The following ITIH5 variants were observed in gnomAD, a reference collection of about 807,000 sequenced individuals.
ITIH5 encodes the protein inter-alpha-trypsin inhibitor heavy chain H5.
In ITIH5, 65 loss-of-function variants were observed where a neutral mutation model predicts 77.5. The observed-to-expected ratio is 0.84, with a 90% CI of 0.69 to 1.03. The LOEUF is 1.03. Ranked by LOEUF, ITIH5 falls within the 50% of genes least tolerant of loss-of-function variation. The probability of loss-of-function intolerance (pLI) is 0.00; values close to 1 mark genes in which losing one functional copy is unlikely to be tolerated. For synonymous variants in ITIH5, 525 were observed against 494.3 expected (o/e 1.06, Z -0.82); for missense variants, 1,208 against 1,213.1 (o/e 1.00, Z 0.06).
chr10:7,604,270 G>A (rs1833077922), intron 7 of ITIH5, among the ~76,000 whole-genome samples: 1 of 152,162 alleles, frequency 6.6e-6, no homozygotes, highest in Admixed American at 6.5e-5. Context: ...AGTGGGTGGA[G>A]GTTTCCTCTG....
intron 12 of ITIH5, 90 bp downstream of exon 12, chr10:7,569,578 T>G: frequency 2.5e-6 from 2 of 786,716 alleles, no homozygotes; most frequent in Admixed American, 5.3e-5. Context: ...AGGTGGCCCT[T>G]GGATCACTGG....
intron 5 of ITIH5, among the ~76,000 whole-genome samples, chr10:7,636,499 T>C (rs1833799995): frequency 6.6e-6 from 1 of 152,234 alleles, no homozygotes; most frequent in African/African-American, 2.4e-5. Context: ...TTATAGTACA[T>C]ATACAATTTG....
chr10:7,600,122 CAT>C (rs1832985566), intron 7 of ITIH5, among the ~76,000 whole-genome samples: 1 of 152,208 alleles, frequency 6.6e-6, no homozygotes, highest in Non-Finnish European at 1.5e-5. Context: ...AGAAACCTCA[CAT>C]CTCTTCCTAC....
intron 5 of ITIH5, among the ~76,000 whole-genome samples, chr10:7,624,032 C>T (rs968112851): frequency 6.6e-6 from 1 of 152,008 alleles, no homozygotes; most frequent in Non-Finnish European, 1.5e-5. Context: ...AGATGTTTGC[C>T]CAGGTTTCTT....
At chr10:7,585,769 C>T (rs1051479429) in intron 8 of ITIH5, 132 bp downstream of exon 8, 17 of 728,166 alleles carry the variant, frequency 2.3e-5, no homozygotes, top group Non-Finnish European at 3.3e-5. Context: ...AGAAAGCTCT[C>T]GCCTGCAGTC....
chr10:7,588,758 G>A (rs2130982796), intron 7 of ITIH5, among the ~76,000 whole-genome samples: 1 of 152,352 alleles, frequency 6.6e-6, no homozygotes, highest in East Asian at 1.9e-4. Context: ...TTTCCCGGGA[G>A]CTTCCTACTC....
intron 7 of ITIH5, among the ~76,000 whole-genome samples, chr10:7,601,676 G>A (rs1203315898): frequency 6.6e-6 from 1 of 152,052 alleles, no homozygotes; most frequent in Non-Finnish European, 1.5e-5. Context: ...CTGTGATGGG[G>A]AACGCCACCA....
chr10:7,565,070 G>A (rs1177150277), intron 13 of ITIH5, among the ~76,000 whole-genome samples: 3 of 135,908 alleles, frequency 2.2e-5, no homozygotes, highest in Non-Finnish European at 3.1e-5. Flanking sequence ...CACATAGACT[G>A]TATATATATA....
intron 2 of ITIH5, 64 bp downstream of exon 2, chr10:7,655,567 C>A: frequency 7.5e-7 from 1 of 1,340,154 alleles, no homozygotes; most frequent in Non-Finnish European, 1.1e-6. Context: ...AAGTGGATAC[C>A]TGGTTCAAAA....
At chr10:7,645,590 A>T (rs76681201) in intron 2 of ITIH5, among the ~76,000 whole-genome samples, 3,154 of 152,326 alleles carry the variant, frequency 0.021, 113 homozygotes, top group African/African-American at 0.073. Flanking sequence ...ATAAATCACC[A>T]AAATTACATC....
At chr10:7,567,041 G>A (rs529683685) in intron 12 of ITIH5, among the ~76,000 whole-genome samples, 1 of 152,026 alleles carries the variant, frequency 6.6e-6, no homozygotes, top group Admixed American at 6.5e-5. Context: ...AGGTCACTCA[G>A]TGGTCACCAA....
At chr10:7,639,476 A>C (rs905204456) in intron 4 of ITIH5, among the ~76,000 whole-genome samples, 6 of 152,244 alleles carry the variant, frequency 3.9e-5, no homozygotes, top group African/African-American at 1.4e-4. Flanking sequence ...TGTCCTCCAG[A>C]CAAGAGTGAG....
intron 5 of ITIH5, among the ~76,000 whole-genome samples, chr10:7,622,632 CACAT>C (rs1293394980): frequency 6.6e-6 from 1 of 151,676 alleles, no homozygotes; most frequent in Non-Finnish European, 1.5e-5. Context: ...AAAGGACAGA[CACAT>C]AATAAACATT....
chr10:7,628,937 A>G (rs1833647000), intron 5 of ITIH5, among the ~76,000 whole-genome samples: 1 of 95,920 alleles, frequency 1.0e-5, no homozygotes, highest in African/African-American at 4.7e-5. Context: ...GTGTTTTCAC[A>G]TGTGTCCATG....
intron 1 of ITIH5, among the ~76,000 whole-genome samples, chr10:7,656,902 C>T (rs1834194375): frequency 6.6e-6 from 1 of 151,684 alleles, no homozygotes; most frequent in South Asian, 2.1e-4. Flanking sequence ...TGCCACTACG[C>T]CCCGCTAATT....
intron 8 of ITIH5, among the ~76,000 whole-genome samples, chr10:7,581,606 T>G (rs1047273779): frequency 1.3e-5 from 2 of 152,116 alleles, no homozygotes; most frequent in African/African-American, 2.4e-5. Context: ...GTTCAGTTTA[T>G]GAAAACATAT....
chr10:7,583,807 A>C (rs565021170), intron 8 of ITIH5, among the ~76,000 whole-genome samples: 52 of 152,316 alleles, frequency 3.4e-4, no homozygotes, highest in Non-Finnish European at 5.6e-4. Flanking sequence ...TCCCGATGGC[A>C]CACAGCCACC....
chr10:7,654,859 GA>G (rs149000046), intron 2 of ITIH5, among the ~76,000 whole-genome samples: 5,522 of 152,164 alleles, frequency 0.036, 171 homozygotes, highest in African/African-American at 0.086. Context: ...TGAACATGGA[GA>G]AAACATGAAA....
At position 7,566,060 on chromosome 10, in the gene ITIH5, C is replaced by T; in HGVS notation, c.2497G>A (p.Gly833Ser). 2 of 1,614,082 alleles carry T rather than the reference C, an allele frequency of 1.2e-6. No individual in the cohort carries two copies. Among genetic ancestry groups the T allele is most frequent in the Non-Finnish European group, 8.5e-7 (1 of 1,180,006 alleles). ...HLGFYIANSE[G>S]LSSNCHGLLG... ...AGTCCGTGGCAGTTGCTGGAAAGGC[C>T]CTCGCTGTTGGCAATGTAGAAACCC... Residue 833 changes from glycine (G) to serine (S), a missense_variant, in exon 13 of 14, where the codon GGC becomes AGC. By Grantham distance (56) the Gly-to-Ser change is moderately conservative. Coordinates refer to ENST00000397146, the MANE Select transcript of ITIH5 (RefSeq NM_030569.7).
Sources: allele counts gnomAD v4.1 joint callset (sites outside exome capture counted in the v4.1 genomes callset), GRCh38; gene constraint gnomAD v4.1.1; transcripts MANE v1.5; gene names NCBI Gene and HGNC (gene_info 2026-07-23, HGNC 2026-07-21).